Variants in ANK3 observed in about 807,000 individuals in gnomAD.
The protein encoded by ANK3 is ankyrin-3.
In ANK3, 57 loss-of-function variants were observed where a neutral mutation model predicts 370.9. The observed-to-expected ratio is 0.15, with a 90% CI of 0.12 to 0.19. The LOEUF is 0.19. Among genes scored for constraint, ANK3 ranks in the 10% least tolerant of loss-of-function variants. The pLI, the probability that ANK3 is intolerant of heterozygous loss-of-function variation, is 1.00. For synonymous variants in ANK3, 1,929 were observed against 1,946.3 expected, an observed-to-expected ratio of 0.99 and a Z score of 0.23; for missense variants, 4,439 against 5,302.1, an observed-to-expected ratio of 0.84 and a Z score of 5.06.
chr10:60,617,682 T>A (rs1318533366), intron 1 of ANK3, among the ~76,000 whole-genome samples: 2 of 152,188 alleles, frequency 1.3e-5, no homozygotes, highest in African/African-American at 4.8e-5. Context: ...GCTCACAGTA[T>A]AAACTTTATA....
intron 1 of ANK3, among the ~76,000 whole-genome samples, chr10:60,676,292 G>A (rs2079124668): frequency 6.6e-6 from 1 of 152,064 alleles, no homozygotes; most frequent in Non-Finnish European, 1.5e-5. Flanking sequence ...TGAACTAATA[G>A]AAATTGGCTT....
intron 2 of ANK3, among the ~76,000 whole-genome samples, chr10:60,418,769 A>G (rs1193279882): frequency 1.3e-5 from 2 of 151,722 alleles, no homozygotes; most frequent in Admixed American, 1.3e-4. Flanking sequence ...GGCATTCTGT[A>G]TCTGACTTGG....
chr10:60,712,383 G>C (rs2079722059), intron 1 of ANK3, among the ~76,000 whole-genome samples: 1 of 152,096 alleles, frequency 6.6e-6, no homozygotes, highest in African/African-American at 2.4e-5. Flanking sequence ...CTGTTATAAG[G>C]CACTTGTATT....
At chr10:60,076,521 G>T in intron 36 of ANK3, 73 bp from the exon 37 acceptor site, 1 of 1,481,568 alleles carries the variant, frequency 6.7e-7, no homozygotes, top group Non-Finnish European at 9.0e-7. Context: ...AGAGACCAGA[G>T]AAAAAAATTG....
intron 25 of ANK3, among the ~76,000 whole-genome samples, chr10:60,122,519 T>C (rs150865057): frequency 1.1e-3 from 164 of 152,350 alleles, no homozygotes; most frequent in African/African-American, 3.8e-3. Flanking sequence ...CTTTACTTAT[T>C]GAAAGCTCCT....
intron 7 of ANK3, among the ~76,000 whole-genome samples, chr10:60,261,334 T>C (rs186347305): frequency 1.8e-4 from 28 of 152,336 alleles, no homozygotes; most frequent in Non-Finnish European, 3.7e-4. Context: ...TGTAATTCCT[T>C]TCTTCAATGG....
intron 1 of ANK3, among the ~76,000 whole-genome samples, chr10:60,331,052 G>A (rs966752176): frequency 2.6e-5 from 4 of 151,898 alleles, no homozygotes; most frequent in Non-Finnish European, 5.9e-5. Flanking sequence ...TCACTCATAA[G>A]TGGGAATTGA....
At chr10:60,084,533 A>T in intron 32 of ANK3, 69 bp downstream of exon 32, 3 of 1,318,426 alleles carry the variant, frequency 2.3e-6, no homozygotes, top group Non-Finnish European at 3.3e-6. Flanking sequence ...GAGTGCTATT[A>T]AGACCACAAA....
chr10:60,648,158 C>CTT (rs35974681), intron 1 of ANK3, among the ~76,000 whole-genome samples: 1,021 of 101,562 alleles, frequency 0.01, 134 homozygotes, highest in African/African-American at 0.037. Context: ...TTTTTTTTTC[C>CTT]TTTTTTTTTT....
intron 2 of ANK3, among the ~76,000 whole-genome samples, chr10:60,614,376 T>A (rs552216161): frequency 1.3e-5 from 2 of 152,206 alleles, no homozygotes; most frequent in South Asian, 4.1e-4. Flanking sequence ...TTTGTTTCAA[T>A]AAATTCTCAC....
At chr10:60,517,178 C>T (rs1212216896) in intron 2 of ANK3, among the ~76,000 whole-genome samples, 1 of 152,106 alleles carries the variant, frequency 6.6e-6, no homozygotes, top group Non-Finnish European at 1.5e-5. Flanking sequence ...AATTTTCCTG[C>T]CTCAGCCTCC....
chr10:60,562,404 G>T (rs1375076626), intron 2 of ANK3, among the ~76,000 whole-genome samples: 7 of 151,636 alleles, frequency 4.6e-5, no homozygotes, highest in Non-Finnish European at 2.9e-5. Context: ...GGGAGCATTT[G>T]TTTCGGGGGG....
intron 2 of ANK3, among the ~76,000 whole-genome samples, chr10:60,429,145 G>A (rs1188518230): frequency 6.6e-6 from 1 of 152,120 alleles, no homozygotes; most frequent in Admixed American, 6.6e-5. Context: ...AGAGCCTGCT[G>A]ATATGAAAGT....
At chr10:60,319,418 C>G (rs944815789) in intron 1 of ANK3, among the ~76,000 whole-genome samples, 3 of 152,074 alleles carry the variant, frequency 2.0e-5, no homozygotes, top group Non-Finnish European at 4.4e-5. Context: ...ACGTAGTCTC[C>G]CATCATGACA....
intron 1 of ANK3, among the ~76,000 whole-genome samples, chr10:60,333,116 A>G (rs2051792841): frequency 6.6e-6 from 1 of 152,084 alleles, no homozygotes; most frequent in African/African-American, 2.4e-5. Context: ...TATACATCTA[A>G]AGTCTCCAAA....
At chr10:60,595,569 A>G (rs567084059) in intron 2 of ANK3, among the ~76,000 whole-genome samples, 1 of 152,120 alleles carries the variant, frequency 6.6e-6, no homozygotes, top group Non-Finnish European at 1.5e-5. Context: ...TATCTATAAG[A>G]GCAACTGGAG....
chr10:60,068,005 T>C lies in ANK3; in HGVS notation c.12249A>G (p.Pro4083=), dbSNP rs201261148. ...TATCTGTCCGTTCACATGGACTCTG[T>C]GGACCTACGATTTACAATTTCTTAA... ...SEKRSSRRTG[P]QSPCERTDIR... The change falls in exon 38 of 44, where the codon CCA becomes CCG. Residue 4083 remains proline (P), a synonymous_variant. Coordinates refer to ENST00000280772, the MANE Select transcript of ANK3 (RefSeq NM_020987.5). The C allele has an allele frequency of 1.9e-6, 3 of 1,604,002 alleles. No homozygotes were observed. In the African/African-American group the frequency reaches 4.0e-5, roughly 21 times the overall value.
intron 2 of ANK3, among the ~76,000 whole-genome samples, chr10:60,551,154 T>G (rs188871414): frequency 6.6e-6 from 1 of 152,262 alleles, no homozygotes; most frequent in Non-Finnish European, 1.5e-5. Context: ...ATTTTATACA[T>G]GAATTTAGAA....
intron 27 of ANK3, among the ~76,000 whole-genome samples, chr10:60,106,606 A>G (rs2092206813): frequency 7.0e-6 from 1 of 142,016 alleles, no homozygotes; most frequent in South Asian, 2.3e-4. Context: ...GTGTTTTTCA[A>G]TTTGTGAAAT....
Sources: gnomAD v4.1 joint callset for allele counts (sites outside exome capture counted in the v4.1 genomes callset) on GRCh38, gnomAD v4.1.1 for gene constraint, MANE v1.5 for transcripts, NCBI Gene and HGNC (gene_info 2026-07-23, HGNC 2026-07-21) for gene names.